The following KIRREL3 variants were observed in gnomAD, a reference collection of about 807,000 sequenced individuals.
The protein encoded by KIRREL3 is kin of IRRE-like protein 3.
KIRREL3 carries 36 observed loss-of-function variants against 89.7 expected under a neutral mutation model. The observed-to-expected ratio is 0.40, with a 90% confidence interval of 0.31 to 0.53. The LOEUF (loss-of-function observed/expected upper bound fraction) is 0.53, where lower values mean the gene tolerates loss of function less well. Ranked by LOEUF, KIRREL3 falls within the 20% of genes least tolerant of loss-of-function variation. KIRREL3 has a pLI of 0.49. For missense variants in KIRREL3, 864 were observed against 1,056.6 expected, an observed-to-expected ratio of 0.82 and a Z score of 2.53; for synonymous variants, 445 against 441.4, an observed-to-expected ratio of 1.01 and a Z score of -0.10.
At chr11:126,913,811 AG>A (rs1946924838) in intron 1 of KIRREL3, among the ~76,000 whole-genome samples, 1 of 152,188 alleles carries the variant, frequency 6.6e-6, no homozygotes, top group African/African-American at 2.4e-5. Context: ...GAGGCCTGGC[AG>A]AGTAGAGTGC....
In KIRREL3 at chr11:126,890,161, G is replaced by A. The variant is rs911446624; in HGVS notation, c.55+110294C>T. Among the ~76,000 whole-genome samples, 1 of 152,204 alleles carries A rather than the reference G, an allele frequency of 6.6e-6. No homozygotes were observed. Among genetic ancestry groups the A allele is most frequent in the Non-Finnish European group, 1.5e-5 (1 of 68,032 alleles). On this transcript the variant is annotated intron_variant, in intron 1 of 16. Coordinates refer to ENST00000525144, the MANE Select transcript of KIRREL3 (RefSeq NM_032531.4). The surrounding 1 kb of genome is among the most constrained non-coding windows in gnomAD (Gnocchi z 5.1). ...TTAAAATGAAGATAAAATTATTGGGGAGGTGGGGATAGAGCTGAGGGGTGA... is the reference window on the plus strand; with the variant it reads ...TTAAAATGAAGATAAAATTATTGGGAAGGTGGGGATAGAGCTGAGGGGTGA...
At chr11:126,986,170 T>A (rs1288412993) in intron 1 of KIRREL3, among the ~76,000 whole-genome samples, 1 of 152,118 alleles carries the variant, frequency 6.6e-6, no homozygotes, top group East Asian at 1.9e-4. Context: ...CCCCTCTTGG[T>A]TGCTGGGTTC....
intron 2 of KIRREL3, among the ~76,000 whole-genome samples, chr11:126,552,996 G>GA (rs1488323492): frequency 6.6e-6 from 1 of 152,176 alleles, no homozygotes; most frequent in Non-Finnish European, 1.5e-5. Flanking sequence ...AGATCAGCCA[G>GA]AAAAACAGAG....
chr11:126,944,579 G>A (rs1948563700), intron 1 of KIRREL3: 1 of 152,194 alleles, frequency 6.6e-6, no homozygotes, highest in Non-Finnish European at 1.5e-5. Context: ...ATGCCTTCCT[G>A]TCCCAGTGGG....
In KIRREL3 at chr11:126,778,803, C is replaced by G. The variant is rs891211798; in HGVS notation, c.56-215891G>C. On this transcript the variant is annotated intron_variant, in intron 1 of 16. Transcript: ENST00000525144. The surrounding 1 kb of genome is among the most constrained non-coding windows in gnomAD (Gnocchi z 4.5). ...AACACCAAGATAAGCTATTTCCATT[C>G]CATTCAAGGACCCATTTATATAAGT... is the stretch of plus-strand genomic sequence containing the variant. 2.0e-5 allele frequency among the ~76,000 whole-genome samples: 3 copies of G among 152,190 alleles called. No individual in the cohort carries two copies. The highest frequency in any genetic ancestry group is 2.9e-5 in the Non-Finnish European group (2 of 68,038).
intron 1 of KIRREL3, among the ~76,000 whole-genome samples, chr11:126,973,922 G>A (rs1219061683): frequency 1.3e-5 from 2 of 152,004 alleles, no homozygotes; most frequent in Non-Finnish European, 2.9e-5. Flanking sequence ...TCCTTCCCTT[G>A]TGGTACTTGC....
At position 126,609,705 on chromosome 11, in the gene KIRREL3, A is replaced by T. The variant is rs115308143; in HGVS notation, c.56-46793T>A. ...TGGAATTATCTGAGATGTCTGAAAA[A>T]CCTGACAACCAGAGATTCCAGATTA... On this transcript the variant is annotated intron_variant, in intron 1 of 16. Transcript: ENST00000525144. The surrounding 1 kb of genome is among the most constrained non-coding windows in gnomAD (Gnocchi z 5.0). Among the ~76,000 whole-genome samples the T allele has an allele frequency of 2.2e-4, 33 of 152,182 alleles. No individual in the cohort carries two copies. Among genetic ancestry groups the T allele is most frequent in the African/African-American group, 7.9e-4 (33 of 41,528 alleles).
At chr11:126,644,337 A>C (rs534279394) in intron 1 of KIRREL3, among the ~76,000 whole-genome samples, 105 of 152,354 alleles carry the variant, frequency 6.9e-4, no homozygotes, top group African/African-American at 2.5e-3. Context: ...AAGGATGAAA[A>C]GATTGAAGAC....
At position 126,513,832 on chromosome 11, in the gene KIRREL3, C is replaced by T. The variant is rs138128046; in HGVS notation, c.433+7483G>A. 2.0e-5 allele frequency among the ~76,000 whole-genome samples: 3 copies of T among 152,176 alleles called. No homozygotes were observed. Among genetic ancestry groups the T allele is most frequent in the Non-Finnish European group, 1.5e-5 (1 of 68,020 alleles). On this transcript the variant is annotated intron_variant, in intron 4 of 16. Coordinates refer to ENST00000525144, the MANE Select transcript of KIRREL3 (RefSeq NM_032531.4). The surrounding 1 kb of genome is among the most constrained non-coding windows in gnomAD (Gnocchi z 5.9). The stretch of plus-strand genomic sequence containing the variant: ...ACCTTCTATCTCATCTGGCCCCCAA[C>T]AGCAACTACTCAGCGTGGCATTATG...
intron 4 of KIRREL3, among the ~76,000 whole-genome samples, chr11:126,483,667 G>T (rs56899403): frequency 6.6e-6 from 1 of 152,168 alleles, no homozygotes; most frequent in Admixed American, 6.5e-5. Flanking sequence ...GGCCTTCCCC[G>T]GTTCTCTCCA....
chr11:126,604,868 C>A (rs780066555), intron 1 of KIRREL3, among the ~76,000 whole-genome samples: 44 of 152,204 alleles, frequency 2.9e-4, no homozygotes, highest in Non-Finnish European at 5.6e-4. Context: ...AGCCTCACAG[C>A]AGAATTATTT....
chr11:126,585,330 T>C (rs1162791328), intron 1 of KIRREL3, among the ~76,000 whole-genome samples: 1 of 148,060 alleles, frequency 6.8e-6, no homozygotes, highest in East Asian at 2.1e-4. Flanking sequence ...GCCTCCCTGA[T>C]TCAAGTGATT....
Position 126,689,688 on chromosome 11 carries a change from G to A in KIRREL3, c.56-126776C>T, listed in dbSNP as rs967361847. ...AAGGGCCTGGCTTTTACGCAGTTTC[G>A]CTTCAAGTCAGTGCAACTAGCTACC... On this transcript the variant is annotated intron_variant, in intron 1 of 16. Transcript: ENST00000525144. This position sits in a 1 kb window ranked among gnomAD's most constrained non-coding sequence, Gnocchi z 5.2. 2.0e-5 allele frequency among the ~76,000 whole-genome samples: 3 copies of A among 152,186 alleles called. No homozygotes were observed. Among genetic ancestry groups the A allele is most frequent in the Admixed American group, 6.5e-5 (1 of 15,288 alleles).
intron 1 of KIRREL3, among the ~76,000 whole-genome samples, chr11:126,717,401 G>C (rs1047961566): frequency 6.6e-6 from 1 of 152,242 alleles, no homozygotes. Flanking sequence ...TGTACAAGTG[G>C]CTATGTGAAC....
In KIRREL3 at chr11:126,531,801, G is replaced by A. The variant is rs957264257; in HGVS notation, c.134-5114C>T. Among the ~76,000 whole-genome samples the A allele has an allele frequency of 6.6e-6, 1 of 152,202 alleles. No individual in the cohort carries two copies. Among genetic ancestry groups the A allele is most frequent in the Non-Finnish European group, 1.5e-5 (1 of 68,054 alleles). On this transcript the variant is annotated intron_variant, in intron 2 of 16. Coordinates refer to ENST00000525144, the MANE Select transcript of KIRREL3 (RefSeq NM_032531.4). This position sits in a 1 kb window ranked among gnomAD's most constrained non-coding sequence, Gnocchi z 4.7. ...CAGTGTACACTTCTTGAGGGCAGGG[G>A]CCACAGCTATCTTTTCTGTCTTGTG...
rs1955100570 is a variant in KIRREL3 at position 126,430,784 on chromosome 11, G to C, written c.1696+635C>G. Among the ~76,000 whole-genome samples, 1 of 152,158 alleles carries C rather than the reference G, an allele frequency of 6.6e-6. No individual in the cohort carries two copies. Among genetic ancestry groups the C allele is most frequent in the African/African-American group, 2.4e-5 (1 of 41,418 alleles). On this transcript the variant is annotated intron_variant, in intron 14 of 16. Coordinates refer to ENST00000525144, the MANE Select transcript of KIRREL3 (RefSeq NM_032531.4). This position sits in a 1 kb window ranked among gnomAD's most constrained non-coding sequence, Gnocchi z 6.6. Reference sequence around the variant, plus strand: ...CTGGAATAACTGTGGCTGGCCCAGGGTCATGTGGCAGAAGAGGTGGGACTG... The same window carrying C: ...CTGGAATAACTGTGGCTGGCCCAGGCTCATGTGGCAGAAGAGGTGGGACTG...
chr11:126,845,967 A>G (rs979792945), intron 1 of KIRREL3, among the ~76,000 whole-genome samples: 7 of 152,174 alleles, frequency 4.6e-5, no homozygotes, highest in Admixed American at 4.6e-4. Context: ...AAAAACACAA[A>G]AAACCTCTGT....
chr11:126,630,011 T>C (rs1354774084), intron 1 of KIRREL3, among the ~76,000 whole-genome samples: 1 of 152,218 alleles, frequency 6.6e-6, no homozygotes, highest in South Asian at 2.1e-4. Flanking sequence ...TCACCTGTTC[T>C]TTTCCAGACT....
rs374201841 is a variant in KIRREL3, at chr11:126,572,725, C to T, written c.56-9813G>A. On this transcript the variant is annotated intron_variant, in intron 1 of 16. Coordinates refer to ENST00000525144, the MANE Select transcript of KIRREL3 (RefSeq NM_032531.4). ...AGGGAGGTGGGGTGAGGTGGGGAAG[C>T]GTGGAGAATGCCTGCCTACTCAGGG... Among the ~76,000 whole-genome samples, 9 of 152,180 alleles carry T rather than the reference C, an allele frequency of 5.9e-5. No homozygotes were observed. The East Asian group carries it at 7.7e-4, about 13-fold the overall frequency.
Sources: gnomAD v4.1 joint callset for allele counts (sites outside exome capture counted in the v4.1 genomes callset) on GRCh38, gnomAD v4.1.1 for gene constraint, Gnocchi (gnomAD v3.1) non-coding constraint, MANE v1.5 for transcripts, NCBI Gene and HGNC (gene_info 2026-07-23, HGNC 2026-07-21) for gene names.